The following MPC2 variants were observed in gnomAD, a reference collection of about 807,000 sequenced individuals.
MPC2 encodes brain protein 44.
Under a neutral mutation model 19.2 loss-of-function variants are expected in MPC2, and 19 were observed. That is an observed-to-expected ratio of 0.99 (90% CI 0.69 to 1.45). MPC2 has a LOEUF of 1.45. MPC2 is among the 40% of genes most tolerant of loss of function. The pLI, the probability that MPC2 is intolerant of heterozygous loss-of-function variation, is 0.00. For synonymous variants in MPC2, 61 were observed against 54.3 expected (o/e 1.12, Z -0.54); for missense variants, 122 against 153.0 (o/e 0.80, Z 1.07).
In MPC2 at chr1:167,918,008, G is replaced by C. The variant is rs1020362790; in HGVS notation, c.*315C>G. 1 of 214,466 alleles carries C rather than the reference G, an allele frequency of 4.7e-6. No individual in the cohort carries two copies. The highest frequency in any genetic ancestry group is 9.2e-6 in the Non-Finnish European group (1 of 108,700). 13.3% of individuals were successfully genotyped at this position (214,466 alleles called of 1,614,324 possible). A position where few individuals can be genotyped will look rare whatever the true frequency, so the allele number is the denominator to read the frequency against. ...AGATAATTTAATCTTCCAACTTCTTGAATTTGTGTGTTCTTTTATGTACAT... is the reference window on the plus strand; with the variant it reads ...AGATAATTTAATCTTCCAACTTCTTCAATTTGTGTGTTCTTTTATGTACAT... On this transcript the variant is annotated 3_prime_UTR_variant, in exon 6 of 6. Transcript: ENST00000271373.
intron 2 of MPC2, among the ~76,000 whole-genome samples, chr1:167,931,948 A>G (rs961600748): frequency 3.9e-5 from 6 of 152,218 alleles, no homozygotes; most frequent in African/African-American, 1.4e-4. Context: ...TAGACTTTAA[A>G]GTAACTTTTC....
intron 2 of MPC2, among the ~76,000 whole-genome samples, chr1:167,925,842 C>T (rs899142142): frequency 1.2e-4 from 19 of 152,198 alleles, no homozygotes; most frequent in African/African-American, 4.3e-4. Flanking sequence ...CCACCGTGCC[C>T]GGCCACAAAT....
At chr1:167,922,612 C>T (rs2102533044) in intron 3 of MPC2, among the ~76,000 whole-genome samples, 1 of 152,008 alleles carries the variant, frequency 6.6e-6, no homozygotes, top group East Asian at 1.9e-4. Flanking sequence ...AAAAAACCTG[C>T]TCCCTAGATC....
At chr1:167,919,354 A>T (rs1670544376) in intron 5 of MPC2, among the ~76,000 whole-genome samples, 1 of 152,230 alleles carries the variant, frequency 6.6e-6, no homozygotes, top group Non-Finnish European at 1.5e-5. Flanking sequence ...GTATAAAAGC[A>T]TAAGAAGGAA....
intron 2 of MPC2, among the ~76,000 whole-genome samples, chr1:167,933,026 T>C (rs1280396477): frequency 6.6e-6 from 1 of 152,104 alleles, no homozygotes; most frequent in Non-Finnish European, 1.5e-5. Flanking sequence ...GCTAGAACTC[T>C]ATTCCTTCTC....
intron 3 of MPC2, among the ~76,000 whole-genome samples, chr1:167,922,706 C>A (rs1356820879): frequency 6.6e-6 from 1 of 152,068 alleles, no homozygotes. Flanking sequence ...AGAGACTAAA[C>A]TTGCCCAAGG....
chr1:167,926,175 C>T (rs756267750), intron 2 of MPC2, among the ~76,000 whole-genome samples: 7 of 152,138 alleles, frequency 4.6e-5, no homozygotes, highest in Non-Finnish European at 8.8e-5. Context: ...TTCTTGTGTA[C>T]GTTCGAATTT....
chr1:167,936,837 T>G (rs921346460), intron 1 of MPC2, 102 bp downstream of exon 1: 1 of 1,329,378 alleles, frequency 7.5e-7, no homozygotes, highest in African/African-American at 1.5e-5. Context: ...GCTCGGGTGT[T>G]GAAACGGGTG....
chr1:167,936,059 C>A, intron 1 of MPC2, 161 bp from the exon 2 acceptor site: 1 of 581,102 alleles, frequency 1.7e-6, no homozygotes, highest in South Asian at 2.0e-5. Context: ...CGACTGCCAG[C>A]CCCCGGTCCG....
chr1:167,924,593 C>A (rs1670687268), intron 2 of MPC2, 56 bp from the exon 3 acceptor site: 2 of 1,248,178 alleles, frequency 1.6e-6, no homozygotes, highest in African/African-American at 1.6e-5. Context: ...TTATACACGT[C>A]TTTTAACAGC....
chr1:167,930,210 T>C (rs972873084), intron 2 of MPC2, among the ~76,000 whole-genome samples: 2 of 152,194 alleles, frequency 1.3e-5, no homozygotes, highest in African/African-American at 2.4e-5. Flanking sequence ...ATAATGTTTT[T>C]AAAAATGTTG....
chr1:167,924,258 TA>T (rs1670675037), intron 3 of MPC2, among the ~76,000 whole-genome samples: 1 of 152,202 alleles, frequency 6.6e-6, no homozygotes, highest in Non-Finnish European at 1.5e-5. Context: ...TGCACAATTG[TA>T]AGTTTTTTGA....
intron 2 of MPC2, among the ~76,000 whole-genome samples, chr1:167,926,498 T>C (rs1309054402): frequency 6.6e-6 from 1 of 152,250 alleles, no homozygotes; most frequent in East Asian, 1.9e-4. Flanking sequence ...ATGAAGCCAC[T>C]GAGTTTCAGA....
chr1:167,935,677 A>G (rs750724509), intron 2 of MPC2, 56 bp downstream of exon 2: 416 of 1,453,546 alleles, frequency 2.9e-4, no homozygotes, highest in Non-Finnish European at 3.7e-4. Flanking sequence ...TAAAAGGTCC[A>G]TTTTAGAGGA....
chr1:167,933,702 A>T lies in MPC2; in HGVS notation c.109+2031T>A, dbSNP rs148852332. On this transcript the variant is annotated intron_variant, in intron 2 of 5. Coordinates refer to ENST00000271373, the MANE Select transcript of MPC2 (RefSeq NM_001143674.4). ...GAATATTCACTCTGGATAAACTCTT[A>T]AGACAATAATCAGTGTTTCCTTAGA... Among the ~76,000 whole-genome samples, 868 of 152,346 alleles carry T rather than the reference A, an allele frequency of 5.7e-3. 8 individuals are homozygous for T. The highest frequency in any genetic ancestry group is 0.014 in the Middle Eastern group (4 of 294).
intron 2 of MPC2, among the ~76,000 whole-genome samples, chr1:167,935,223 C>CT (rs1557858620): frequency 6.6e-6 from 1 of 152,176 alleles, no homozygotes; most frequent in African/African-American, 2.4e-5. Context: ...AGAAATGACA[C>CT]TGACTCAAGC....
At chr1:167,936,235 C>A in intron 1 of MPC2, 1 of 239,994 alleles carries the variant, frequency 4.2e-6, no homozygotes, top group Non-Finnish European at 8.3e-6. Context: ...CGGAAACCTC[C>A]TCCTTCTCCC....
rs1296214724 is a variant in MPC2, at chr1:167,918,075, G to A, written c.*248C>T. ...ACAGAAGGAGGCAGGGGGTATATAC[G>A]AGCAAGTATGGTTTATTACGGACAA... On this transcript the variant is annotated 3_prime_UTR_variant, in exon 6 of 6. Transcript: ENST00000271373. 8.3e-6 allele frequency: 3 copies of A among 362,122 alleles called. No individual in the cohort carries two copies. Among genetic ancestry groups the A allele is most frequent in the Non-Finnish European group, 1.5e-5 (3 of 199,820 alleles). The allele number at this position is 362,122 out of a possible 1,614,324, so 22.4% of individuals were successfully genotyped here.
In MPC2 at chr1:167,920,631, C is replaced by G; in HGVS notation, c.151G>C (p.Gly51Arg). Residue 51 changes from glycine to arginine, a missense_variant and splice_region_variant, in exon 4 of 6, where the codon GGG (glycine) becomes CGG (arginine). Coordinates refer to ENST00000271373, the MANE Select transcript of MPC2 (RefSeq NM_001143674.4). ...TCAGCCAATCCAGCACACACCAACC[C>G]CTACACATTAACGCATAGAAAGAAA... is the stretch of plus-strand genomic sequence containing the variant. ...VFFWAPIMKW[G>R]LVCAGLADMA... The G allele has an allele frequency of 6.2e-7, 1 of 1,611,366 alleles. No homozygotes were observed. The highest frequency in any genetic ancestry group is 8.5e-7 in the Non-Finnish European group (1 of 1,178,798).
Sources: allele counts gnomAD v4.1 joint callset (sites outside exome capture counted in the v4.1 genomes callset), GRCh38; gene constraint gnomAD v4.1.1; transcripts MANE v1.5; gene names NCBI Gene and HGNC (gene_info 2026-07-23, HGNC 2026-07-21).